Variants in CPAP observed in about 807,000 individuals in gnomAD.
The protein encoded by CPAP is centrosome assembly and centriole elongation protein, also known as centrosomal P4.1-associated protein.
At chr13:24,905,197 A>C in the CPAP span, 26 of 754,744 alleles carry the variant, frequency 3.4e-5, no homozygotes, top group Admixed American at 1.0e-4. Context: ...AGACCCATAA[A>C]ATAAATCAAA....
chr13:24,888,340 G>A, the CPAP span, among the ~76,000 whole-genome samples: 22 of 152,108 alleles, frequency 1.4e-4, no homozygotes, highest in Admixed American at 2.0e-4. Context: ...GGATTACTAT[G>A]CGGAATATTT....
At chr13:24,909,785 C>T in the CPAP span, 1 of 1,609,310 alleles carries the variant, frequency 6.2e-7, no homozygotes. Context: ...ACATAAGTAG[C>T]TCACCTGTAG....
the CPAP span, chr13:24,906,556 T>C: frequency 1.2e-6 from 2 of 1,614,264 alleles, no homozygotes; most frequent in South Asian, 2.2e-5. Flanking sequence ...TAGATGTGAC[T>C]TTGTTTTCAA....
the CPAP span, among the ~76,000 whole-genome samples, chr13:24,921,566 G>C: frequency 6.6e-6 from 1 of 151,956 alleles, no homozygotes; most frequent in South Asian, 2.1e-4. Context: ...TGAATAATTT[G>C]TAAAAACTTT....
the CPAP span, among the ~76,000 whole-genome samples, chr13:24,927,755 A>C: frequency 1.3e-5 from 2 of 152,242 alleles, no homozygotes; most frequent in Non-Finnish European, 2.9e-5. Context: ...TCCTAATTGC[A>C]AGATAATCCA....
chr13:24,933,031 A>G, the CPAP span: 3 of 1,590,040 alleles, frequency 1.9e-6, no homozygotes, highest in African/African-American at 1.3e-5. Flanking sequence ...TGCAAATTGT[A>G]TCTTCTGTTT....
chr13:24,887,132 TAAG>T, the CPAP span, among the ~76,000 whole-genome samples: 1 of 152,070 alleles, frequency 6.6e-6, no homozygotes, highest in Non-Finnish European at 1.5e-5. Context: ...GGGAAAGAAT[TAAG>T]AAGCACTGCC....
At chr13:24,933,203 G>A in the CPAP span, 5 of 1,170,402 alleles carry the variant, frequency 4.3e-6, no homozygotes, top group African/African-American at 7.5e-5. Flanking sequence ...CAGGGTCATG[G>A]TTAGAAGAGG....
chr13:24,920,784 C>CTTT, the CPAP span, among the ~76,000 whole-genome samples: 13,494 of 139,958 alleles, frequency 0.096, 794 homozygotes, highest in Non-Finnish European at 0.14. Context: ...CCATACCTGG[C>CTTT]TTTTTTTTTT....
At chr13:24,904,111 A>T in the CPAP span, 1 of 1,602,076 alleles carries the variant, frequency 6.2e-7, no homozygotes, top group South Asian at 1.1e-5. Context: ...ACTGCAGCAA[A>T]AACACTAGCT....
At chr13:24,917,418 A>G in the CPAP span, among the ~76,000 whole-genome samples, 1 of 152,072 alleles carries the variant, frequency 6.6e-6, no homozygotes, top group African/African-American at 2.4e-5. Context: ...AGTACAAAAT[A>G]TTTTTCTCTT....
the CPAP span, among the ~76,000 whole-genome samples, chr13:24,890,481 C>T: frequency 0.12 from 17,797 of 152,262 alleles, 1,377 homozygotes; most frequent in East Asian, 0.32. Context: ...TGGGCCCACG[C>T]TGTCCTCATG....
At chr13:24,908,195 A>G in the CPAP span, 16 of 1,072,988 alleles carry the variant, frequency 1.5e-5, no homozygotes, top group East Asian at 1.2e-4. Context: ...TGAGAATTCT[A>G]CAAGTTACTA....
At chr13:24,907,511 A>AT in the CPAP span, among the ~76,000 whole-genome samples, 10 of 152,294 alleles carry the variant, frequency 6.6e-5, no homozygotes, top group Admixed American at 2.0e-4. Context: ...CTAAATATGC[A>AT]TTTTTTTAAT....
chr13:24,914,784 A>C, the CPAP span, among the ~76,000 whole-genome samples: 2 of 152,242 alleles, frequency 1.3e-5, no homozygotes, highest in East Asian at 3.9e-4. Flanking sequence ...TCAAAAAATA[A>C]ATAAATAAGT....
chr13:24,928,478 T>A, the CPAP span, among the ~76,000 whole-genome samples: 9 of 152,258 alleles, frequency 5.9e-5, no homozygotes, highest in Admixed American at 1.3e-4. Context: ...TTGCCCAGGC[T>A]GGTGTCCAGT....
the CPAP span, among the ~76,000 whole-genome samples, chr13:24,927,495 C>A: frequency 6.6e-6 from 1 of 152,324 alleles, no homozygotes; most frequent in East Asian, 1.9e-4. Flanking sequence ...GGGGCCCCTT[C>A]CACAGGGGCT....
the CPAP span, chr13:24,892,872 C>CAA: frequency 8.5e-4 from 1,033 of 1,221,730 alleles, no homozygotes; most frequent in East Asian, 4.7e-3. Context: ...TAAAGTCTCT[C>CAA]AAAAAAAAAA....
chr13:24,899,951 G>C, the CPAP span, among the ~76,000 whole-genome samples: 1 of 138,026 alleles, frequency 7.2e-6, no homozygotes, highest in Non-Finnish European at 1.6e-5. Context: ...GACACAGACA[G>C]ACTCTGTCTC....
Sources: allele counts gnomAD v4.1 joint callset (sites outside exome capture counted in the v4.1 genomes callset), GRCh38; gene constraint gnomAD v4.1.1; transcripts MANE v1.5; gene names NCBI Gene and HGNC (gene_info 2026-07-23, HGNC 2026-07-21).